The following GPBP1L1 variants were observed in gnomAD, a reference collection of about 807,000 sequenced individuals.
GPBP1L1 encodes the protein GC-rich promoter binding protein 1 like 1.
A neutral mutation model predicts 52.5 loss-of-function variants in GPBP1L1; 23 were observed. That is an observed-to-expected ratio of 0.44 (90% confidence interval 0.32 to 0.62). The LOEUF is 0.62. Among genes scored for constraint, GPBP1L1 ranks in the 20% least tolerant of loss-of-function variants. The pLI, the probability that GPBP1L1 is intolerant of heterozygous loss-of-function variation, is 0.06. For missense variants in GPBP1L1, 596 were observed against 579.3 expected (o/e 1.03, Z -0.30); for synonymous variants, 243 against 203.1 (o/e 1.20, Z -1.67).
chr1:45,658,624 A>C (rs1300877475), intron 4 of GPBP1L1: 1 of 182,118 alleles, frequency 5.5e-6, no homozygotes, highest in Non-Finnish European at 1.1e-5. Flanking sequence ...ACGAGGTTGA[A>C]TATATTAAAA....
At chr1:45,641,913 G>A (rs1231816912) in intron 7 of GPBP1L1, 1 of 152,272 alleles carries the variant, frequency 6.6e-6, no homozygotes, top group Non-Finnish European at 1.5e-5. Flanking sequence ...GTTGGCTACG[G>A]TGGCTCATGC....
At chr1:45,651,523 G>C (rs1011805645) in intron 6 of GPBP1L1, 1 of 521,560 alleles carries the variant, frequency 1.9e-6, no homozygotes, top group Non-Finnish European at 3.5e-6. Flanking sequence ...CCTCTGATCT[G>C]TACTTGTGGG....
rs147691664 is a variant in GPBP1L1 at position 45,657,634 on chromosome 1, G to A, written c.60+1394C>T. Among the ~76,000 whole-genome samples the A allele has an allele frequency of 2.0e-4, 31 of 152,222 alleles. No individual in the cohort carries two copies. In the East Asian group the frequency reaches 5.6e-3, roughly 28 times the overall value. On this transcript the variant is annotated intron_variant, in intron 4 of 12. Transcript: ENST00000355105. ...TTTTGGAGGCTGAGGTGACAGGATC[G>A]TTTGAGGCCAGTTCTAGACCACCTT...
chr1:45,634,148 A>T lies in GPBP1L1; in HGVS notation c.833T>A (p.Val278Asp), dbSNP rs1488987929. ...RESAFTSPIS[V>D]TKPVVLASGA... The stretch of plus-strand genomic sequence containing the variant: ...ACTAGCCAGTACCACTGGTTTGGTA[A>T]CAGAGATTGGACTGGTAAAAGCAGA... Residue 278 changes from valine to aspartate, a missense_variant, in exon 9 of 13, where the codon GTT becomes GAT. Physicochemically the swap from Val to Asp is radical, Grantham distance 152. Coordinates refer to ENST00000355105, the MANE Select transcript of GPBP1L1 (RefSeq NM_021639.5). The T allele has an allele frequency of 6.2e-7, 1 of 1,614,120 alleles. No homozygotes were observed. Among genetic ancestry groups the T allele is most frequent in the South Asian group, 1.1e-5 (1 of 91,070 alleles).
intron 2 of GPBP1L1, among the ~76,000 whole-genome samples, chr1:45,683,202 CCTT>C (rs1645232644): frequency 7.7e-6 from 1 of 129,520 alleles, no homozygotes; most frequent in African/African-American, 3.1e-5. Flanking sequence ...TGAATATAGG[CCTT>C]TTTTTTTTTT....
chr1:45,683,202 C>CTTTT (rs1398765429), intron 2 of GPBP1L1, among the ~76,000 whole-genome samples: 2 of 129,506 alleles, frequency 1.5e-5, no homozygotes, highest in South Asian at 2.4e-4. Context: ...TGAATATAGG[C>CTTTT]CTTTTTTTTT....
In GPBP1L1 at chr1:45,640,256, C is replaced by G. The variant is rs143296099; in HGVS notation, c.698G>C (p.Ser233Thr). The G allele has an allele frequency of 6.2e-7, 1 of 1,614,156 alleles. No individual in the cohort carries two copies. The highest frequency in any genetic ancestry group is 8.5e-7 in the Non-Finnish European group (1 of 1,180,012). ...NGNKLSSVVP[S>T]VYKNLVPKPV... ...CTTAGGAACCAGGTTCTTATAGACA[C>G]TTGGAACCACGGATGACAATTTGTT... The change falls in exon 8 of 13, where the codon AGT becomes ACT. Residue 233 changes from serine (S) to threonine (T), a missense_variant. By Grantham distance (58) the Ser-to-Thr change is moderately conservative (BLOSUM62 1). Transcript: ENST00000355105.
At chr1:45,638,478 C>CA (rs1037153813) in intron 8 of GPBP1L1, among the ~76,000 whole-genome samples, 3 of 152,310 alleles carry the variant, frequency 2.0e-5, no homozygotes, top group Non-Finnish European at 4.4e-5. Context: ...CAAACTCACC[C>CA]ACTTGTATTT....
chr1:45,644,887 T>C (rs935679323), intron 6 of GPBP1L1, among the ~76,000 whole-genome samples: 2 of 152,204 alleles, frequency 1.3e-5, no homozygotes, highest in African/African-American at 4.8e-5. Flanking sequence ...AATAGGAACT[T>C]CCCCTATTTG....
At position 45,640,228 on chromosome 1, in the gene GPBP1L1, A is replaced by G. The variant is rs1448080102; in HGVS notation, c.726T>C (p.Pro242=). 3.1e-6 allele frequency: 5 copies of G among 1,613,884 alleles called. No individual in the cohort carries two copies. The East Asian group carries it at 8.9e-5, about 29-fold the overall frequency. The change falls in exon 8 of 13, where the codon CCT becomes CCC. Residue 242 remains proline, a synonymous_variant. Coordinates refer to ENST00000355105, the MANE Select transcript of GPBP1L1 (RefSeq NM_021639.5). ...PSVYKNLVPK[P]VPPPSKPNAW... ...ATCATACCTTGGAAGGAGGTGGTACAGGCTTAGGAACCAGGTTCTTATAGA... is the reference window on the plus strand; with the variant it reads ...ATCATACCTTGGAAGGAGGTGGTACGGGCTTAGGAACCAGGTTCTTATAGA...
chr1:45,679,891 C>CAA (rs61208985), intron 2 of GPBP1L1, among the ~76,000 whole-genome samples: 28 of 88,192 alleles, frequency 3.2e-4, no homozygotes, highest in African/African-American at 9.8e-4. Context: ...CTTATCTATA[C>CAA]AAAAAAAAAA....
intron 2 of GPBP1L1, among the ~76,000 whole-genome samples, chr1:45,669,715 A>T (rs193152273): frequency 6.6e-6 from 1 of 152,302 alleles, no homozygotes; most frequent in African/African-American, 2.4e-5. Context: ...TCCACAAAAT[A>T]GAAAAAGAAT....
intron 6 of GPBP1L1, among the ~76,000 whole-genome samples, chr1:45,644,941 C>T (rs1285460763): frequency 1.3e-5 from 2 of 152,160 alleles, no homozygotes; most frequent in Non-Finnish European, 2.9e-5. Context: ...ATGATACATG[C>T]TTGTTCCTAA....
At position 45,628,421 on chromosome 1, in the gene GPBP1L1, TGG is replaced by T. The variant is rs781640285; in HGVS notation, c.1273-15_1273-14del. On this transcript the variant is annotated splice_polypyrimidine_tract_variant and intron_variant, in intron 12 of 12. Coordinates refer to ENST00000355105, the MANE Select transcript of GPBP1L1 (RefSeq NM_021639.5). The stretch of plus-strand genomic sequence containing the variant: ...CATTTCTTCTCAGCTATGGTTAGCA[TGG>T]GAGAGAAAGAAAAAAGAAAAAAATA... 22 of 1,611,898 alleles carry T rather than the reference TGG, an allele frequency of 1.4e-5. No homozygotes were observed. The highest frequency in any genetic ancestry group is 3.3e-5 in the Admixed American group (2 of 59,752).
At chr1:45,646,359 C>G (rs183063642) in intron 6 of GPBP1L1, among the ~76,000 whole-genome samples, 496 of 152,264 alleles carry the variant, frequency 3.3e-3, no homozygotes, top group African/African-American at 0.011. Flanking sequence ...TGTTATAAAG[C>G]TTTGCTGTCA....
intron 2 of GPBP1L1, among the ~76,000 whole-genome samples, chr1:45,678,617 G>C: frequency 6.6e-6 from 1 of 152,164 alleles, no homozygotes; most frequent in South Asian, 2.1e-4. Context: ...AATACCATAA[G>C]GATGCAATCA....
rs1320158668 is a variant in GPBP1L1 at position 45,627,669 on chromosome 1, T to A, written c.*587A>T. On this transcript the variant is annotated 3_prime_UTR_variant, in exon 13 of 13. Transcript: ENST00000355105. The stretch of plus-strand genomic sequence containing the variant: ...ACCCTGAATATCAAGGCTGCAAGAA[T>A]AACACAACATTTCCTATATCCAAAT... 1.4e-5 allele frequency: 2 copies of A among 147,562 alleles called. No individual in the cohort carries two copies. Among genetic ancestry groups the A allele is most frequent in the African/African-American group, 5.1e-5 (2 of 39,568 alleles). 9.1% of individuals were successfully genotyped at this position (147,562 alleles called of 1,614,324 possible). A position where few individuals can be genotyped will look rare whatever the true frequency, so the allele number is the denominator to read the frequency against.
intron 2 of GPBP1L1, among the ~76,000 whole-genome samples, chr1:45,684,839 A>C (rs1274810823): frequency 1.3e-5 from 2 of 152,216 alleles, no homozygotes; most frequent in Non-Finnish European, 2.9e-5. Flanking sequence ...GTATTAACAA[A>C]AACCAACTTT....
At chr1:45,656,835 TTTG>T (rs571091310) in intron 4 of GPBP1L1, among the ~76,000 whole-genome samples, 7 of 141,164 alleles carry the variant, frequency 5.0e-5, no homozygotes, top group Non-Finnish European at 7.8e-5. Context: ...CTGCCTAGTT[TTTG>T]TTGTTGTTTT....
Sources: allele counts gnomAD v4.1 joint callset (sites outside exome capture counted in the v4.1 genomes callset), GRCh38; gene constraint gnomAD v4.1.1; transcripts MANE v1.5; gene names NCBI Gene and HGNC (gene_info 2026-07-23, HGNC 2026-07-21).